Variants in ATP4A observed in about 807,000 individuals in gnomAD.
The protein encoded by ATP4A is potassium-transporting ATPase alpha chain 1.
In ATP4A, 73 loss-of-function variants were observed where a neutral mutation model predicts 112.1. The observed-to-expected ratio is 0.65, with a 90% CI of 0.54 to 0.79. The LOEUF (loss-of-function observed/expected upper bound fraction) is 0.79. Ranked by LOEUF, ATP4A falls within the 30% of genes least tolerant of loss-of-function variation. The pLI is 0.00. For synonymous variants in ATP4A, 588 were observed against 588.9 expected, an observed-to-expected ratio of 1.00 and a Z score of 0.02; for missense variants, 1,081 against 1,425.9, an observed-to-expected ratio of 0.76 and a Z score of 3.90.
Position 35,550,863 on chromosome 19 carries a change from C to T in ATP4A, c.3050G>A (p.Arg1017Gln), listed in dbSNP as rs1425556255. The T allele has an allele frequency of 2.5e-6, 4 of 1,614,192 alleles. No individual in the cohort carries two copies. Among genetic ancestry groups the T allele is most frequent in the Middle Eastern group, 1.6e-4 (1 of 6,062 alleles). The change falls in exon 21 of 22, where the codon CGG becomes CAG. Residue 1017 changes from arginine to glutamine, a missense_variant. Transcript: ENST00000262623. This position sits in a 1 kb window ranked among gnomAD's most constrained non-coding sequence, Gnocchi z 4.1. Reference protein sequence around the residue: ...GILIFVYDEIRKLGVRCCPGS... With the variant: ...GILIFVYDEIQKLGVRCCPGS... The stretch of plus-strand genomic sequence containing the variant: ...TGGGCAACAGCGAACTCCAAGCTTC[C>T]GGATCTCATCATAGACGAAGATGAG...
rs1217852574 is a variant in ATP4A, at chr19:35,559,683, G to A, written c.1056+122C>T. On this transcript the variant is annotated intron_variant, in intron 7 of 21. Transcript: ENST00000262623. This position sits in a 1 kb window ranked among gnomAD's most constrained non-coding sequence, Gnocchi z 4.1. ...ATGAGTGGATGATGGGAAGGCAGGA[G>A]AATGGATGGGAGCTAAGTGGACAGA... The A allele has an allele frequency of 7.0e-6, 10 of 1,418,764 alleles. No individual in the cohort carries two copies. In the South Asian group the frequency reaches 1.3e-4, roughly 18 times the overall value. 87.9% of individuals were successfully genotyped at this position (1,418,764 alleles called of 1,614,324 possible).
intron 16 of ATP4A, 156 bp from the exon 17 acceptor site, chr19:35,553,985 TG>T: frequency 9.4e-7 from 1 of 1,060,904 alleles, no homozygotes; most frequent in Non-Finnish European, 1.3e-6. Context: ...CTGGACAGCC[TG>T]GGCCCCACTG....
chr19:35,551,730 G>T lies in ATP4A; in HGVS notation c.2752-150C>A. 2 of 1,085,182 alleles carry T rather than the reference G, an allele frequency of 1.8e-6. No homozygotes were observed. Among genetic ancestry groups the T allele is most frequent in the Admixed American group, 2.2e-5 (1 of 44,774 alleles). The allele number at this position is 1,085,182 out of a possible 1,614,324, so 67.2% of individuals were successfully genotyped here. On this transcript the variant is annotated intron_variant, in intron 18 of 21. Transcript: ENST00000262623. The surrounding 1 kb of genome is among the most constrained non-coding windows in gnomAD (Gnocchi z 5.2). ...CAGAGTGTGGGGGTGGGGGGAAGGA[G>T]AGAGGCAGGGTCTGCCAGGTGTGCA...
At position 35,550,504 on chromosome 19, in the gene ATP4A, G is replaced by T. The variant is rs2071595145; in HGVS notation, c.*111C>A. 3.5e-6 allele frequency: 5 copies of T among 1,411,870 alleles called. No individual in the cohort carries two copies. In the South Asian group the frequency reaches 4.9e-5, roughly 14 times the overall value. 87.5% of individuals were successfully genotyped at this position (1,411,870 alleles called of 1,614,324 possible). A position where few individuals can be genotyped will look rare whatever the true frequency, so the allele number is the denominator to read the frequency against. ...TGGGCTACAGAAGCAGATACTGGTG[G>T]GGCTGGGACTCTTGGTTGCTCAGAT... On this transcript the variant is annotated 3_prime_UTR_variant, in exon 22 of 22. Coordinates refer to ENST00000262623, the MANE Select transcript of ATP4A (RefSeq NM_000704.3). The surrounding 1 kb of genome is among the most constrained non-coding windows in gnomAD (Gnocchi z 4.1).
At position 35,557,763 on chromosome 19, in the gene ATP4A, A is replaced by G. The variant is rs2071639753; in HGVS notation, c.1585T>C (p.Cys529Arg). ...KGAPERVLER[C>R]SSILIKGQEL... ...TGGCCCTTGATAAGGATGGAGCTGC[A>G]GCGCTCCAGCACGCGCTCGGGGGCG... Residue 529 changes from cysteine to arginine, a missense_variant, in exon 11 of 22, where the codon TGC becomes CGC. Cys to Arg is a radical substitution (Grantham distance 180, BLOSUM62 -3). Coordinates refer to ENST00000262623, the MANE Select transcript of ATP4A (RefSeq NM_000704.3). The surrounding 1 kb of genome is among the most constrained non-coding windows in gnomAD (Gnocchi z 4.4). 3.8e-6 allele frequency: 6 copies of G among 1,591,826 alleles called. No homozygotes were observed. The highest frequency in any genetic ancestry group is 5.1e-6 in the Non-Finnish European group (6 of 1,165,392).
chr19:35,556,016 C>T (rs991584653), intron 12 of ATP4A, among the ~76,000 whole-genome samples: 5 of 151,908 alleles, frequency 3.3e-5, no homozygotes, highest in Admixed American at 6.6e-5. Flanking sequence ...AATAAAGAAA[C>T]GAATTATATA....
chr19:35,561,118 C>T (rs944105518), intron 4 of ATP4A, among the ~76,000 whole-genome samples, 186 bp from the exon 5 acceptor site: 4 of 152,072 alleles, frequency 2.6e-5, no homozygotes, highest in African/African-American at 7.2e-5. Context: ...GTCCCACACT[C>T]GCCTGCTCTG....
Position 35,557,940 on chromosome 19 carries a change from G to A in ATP4A, c.1501-93C>T. ...GGGCGGGGCTGAGGAGAGGGGCGGG[G>A]CCGAGAGCTCGGTGCGGGCTCTGAG... On this transcript the variant is annotated intron_variant, in intron 10 of 21. Coordinates refer to ENST00000262623, the MANE Select transcript of ATP4A (RefSeq NM_000704.3). The surrounding 1 kb of genome is among the most constrained non-coding windows in gnomAD (Gnocchi z 4.4). The A allele has an allele frequency of 2.1e-6, 2 of 953,084 alleles. No individual in the cohort carries two copies. Among genetic ancestry groups the A allele is most frequent in the African/African-American group, 1.7e-5 (1 of 59,484 alleles). The allele number at this position is 953,084 out of a possible 1,614,324, so 59.0% of individuals were successfully genotyped here. A position where few individuals can be genotyped will look rare whatever the true frequency, so the allele number is the denominator to read the frequency against.
At position 35,558,012 on chromosome 19, in the gene ATP4A, G is replaced by T; in HGVS notation, c.1501-165C>A. The T allele has an allele frequency of 1.5e-6, 1 of 649,526 alleles. No homozygotes were observed. Among genetic ancestry groups the T allele is most frequent in the South Asian group, 2.0e-5 (1 of 50,344 alleles). The allele number at this position is 649,526 out of a possible 1,614,324, so 40.2% of individuals were successfully genotyped here. A position where few individuals can be genotyped will look rare whatever the true frequency, so the allele number is the denominator to read the frequency against. On this transcript the variant is annotated intron_variant, in intron 10 of 21. Coordinates refer to ENST00000262623, the MANE Select transcript of ATP4A (RefSeq NM_000704.3). The surrounding 1 kb of genome is among the most constrained non-coding windows in gnomAD (Gnocchi z 5.1). ...TGGAAGATGGAGGCCTTGTGTGGAGGGGTCCTTGGTAGAAGGTAAGCGTTA... is the reference window on the plus strand; with the variant it reads ...TGGAAGATGGAGGCCTTGTGTGGAGTGGTCCTTGGTAGAAGGTAAGCGTTA...
chr19:35,551,037 G>C lies in ATP4A; in HGVS notation c.2960C>G (p.Pro987Arg). 6.2e-7 allele frequency: 1 copy of C among 1,613,970 alleles called. No individual in the cohort carries two copies. The highest frequency in any genetic ancestry group is 8.5e-7 in the Non-Finnish European group (1 of 1,179,922). ...AATGGGCATGAAGTTGAAGATGTTG[G>C]GCATGCCGGGGCAGTAGCACAGGAA... ...GCFLCYCPGM[P>R]NIFNFMPIRF... The change falls in exon 20 of 22, where the codon CCC (proline) becomes CGC (arginine). Residue 987 changes from proline (P) to arginine (R), a missense_variant. Around this residue, in one of 3 missense-constraint regions of ATP4A, gnomAD observed 219 missense variants for 320.9 expected, o/e 0.68. Transcript: ENST00000262623. This position sits in a 1 kb window ranked among gnomAD's most constrained non-coding sequence, Gnocchi z 5.2.
Position 35,555,898 on chromosome 19 carries a change from G to A in ATP4A, c.1870-86C>T. 1 of 1,511,200 alleles carries A rather than the reference G, an allele frequency of 6.6e-7. No individual in the cohort carries two copies. The highest frequency in any genetic ancestry group is 8.9e-7 in the Non-Finnish European group (1 of 1,125,786). The allele number at this position is 1,511,200 out of a possible 1,614,324, so 93.6% of individuals were successfully genotyped here. A position where few individuals can be genotyped will look rare whatever the true frequency, so the allele number is the denominator to read the frequency against. On this transcript the variant is annotated intron_variant, in intron 12 of 21. Coordinates refer to ENST00000262623, the MANE Select transcript of ATP4A (RefSeq NM_000704.3). The surrounding 1 kb of genome is among the most constrained non-coding windows in gnomAD (Gnocchi z 6.6). ...CTGGGAGACATCTGCTGATACACGT[G>A]TTCATTTACTTGACCAAGCGTGACC...
rs750941596 is a variant in ATP4A, at chr19:35,557,860, G to C, written c.1501-13C>G. On this transcript the variant is annotated splice_polypyrimidine_tract_variant and intron_variant, in intron 10 of 21. Transcript: ENST00000262623. This position sits in a 1 kb window ranked among gnomAD's most constrained non-coding sequence, Gnocchi z 4.4. ...TATGGATGGACAGCTGTGGGCGGGG[G>C]GGAGAGGCGAGGCTGTGGACGGGGG... 4 of 1,471,140 alleles carry C rather than the reference G, an allele frequency of 2.7e-6. No individual in the cohort carries two copies. The highest frequency in any genetic ancestry group is 4.5e-5 in the Admixed American group (2 of 44,118). The allele number at this position is 1,471,140 out of a possible 1,614,324, so 91.1% of individuals were successfully genotyped here. A position where few individuals can be genotyped will look rare whatever the true frequency, so the allele number is the denominator to read the frequency against.
chr19:35,558,453 A>T lies in ATP4A; in HGVS notation c.1409T>A (p.Phe470Tyr), dbSNP rs1157889766. The change falls in exon 10 of 22, where the codon TTC (phenylalanine) becomes TAC (tyrosine). Residue 470 changes from phenylalanine (F) to tyrosine (Y), a missense_variant. Around this residue, in one of 3 missense-constraint regions of ATP4A, gnomAD observed 850 missense variants for 1,068.2 expected, o/e 0.80. Transcript: ENST00000262623. The surrounding 1 kb of genome is among the most constrained non-coding windows in gnomAD (Gnocchi z 5.1). ...GGCGTTGCCCAGCGTCAGCTCCGAG[A>T]ACTTGAGCAGCGCCGTCTCCGATGC... ...GDASETALLK[F>Y]SELTLGNAMG... 1 of 1,603,614 alleles carries T rather than the reference A, an allele frequency of 6.2e-7. No individual in the cohort carries two copies. The highest frequency in any genetic ancestry group is 8.5e-7 in the Non-Finnish European group (1 of 1,175,712).
In ATP4A at chr19:35,553,048, C is replaced by T. The variant is rs368542455; in HGVS notation, c.2740G>A (p.Gly914Ser). The T allele has an allele frequency of 1.5e-5, 24 of 1,602,352 alleles. No homozygotes were observed. The highest frequency in any genetic ancestry group is 3.4e-5 in the Admixed American group (2 of 59,690). The change falls in exon 18 of 22, where the codon GGC becomes AGC. Residue 914 changes from glycine to serine, a missense_variant. Gly to Ser is a moderately conservative substitution (Grantham distance 56, BLOSUM62 0). Around this residue, in one of 3 missense-constraint regions of ATP4A, gnomAD observed 219 missense variants for 320.9 expected, o/e 0.68. Transcript: ENST00000262623. ...HHLQDLQDSYGQEWTFGQRLY... is the reference protein window; with the variant it reads ...HHLQDLQDSYSQEWTFGQRLY... ...GGGGCAGGGCTCACCCACTCCTGGC[C>T]GTAGCTGTCCTGCAGATCTTGTAGG... is the stretch of plus-strand genomic sequence containing the variant.
chr19:35,558,374 G>A lies in ATP4A; in HGVS notation c.1488C>T (p.Thr496=). 1 of 1,611,142 alleles carries A rather than the reference G, an allele frequency of 6.2e-7. No individual in the cohort carries two copies. ...GCCGGCTGCGCACCTGGAACTTGTT[G>A]GTGGAGTTGAAGGGTATCTCGCAGA... ...PKVCEIPFNS[T]NKFQLSIHTL... The change falls in exon 10 of 22, where the codon ACC becomes ACT. Residue 496 remains threonine, a synonymous_variant. Coordinates refer to ENST00000262623, the MANE Select transcript of ATP4A (RefSeq NM_000704.3). The surrounding 1 kb of genome is among the most constrained non-coding windows in gnomAD (Gnocchi z 5.1).
chr19:35,551,391 C>A lies in ATP4A; in HGVS notation c.2885+56G>T. ...GGCTGTTCTAAACCACAGTCAGGATCTGATGGGAGTTGGGACCAGGGGTTG... is the reference window on the plus strand; with the variant it reads ...GGCTGTTCTAAACCACAGTCAGGATATGATGGGAGTTGGGACCAGGGGTTG... On this transcript the variant is annotated intron_variant, in intron 19 of 21. Transcript: ENST00000262623. The surrounding 1 kb of genome is among the most constrained non-coding windows in gnomAD (Gnocchi z 5.2). The A allele has an allele frequency of 6.2e-7, 1 of 1,612,310 alleles. No individual in the cohort carries two copies. The highest frequency in any genetic ancestry group is 1.3e-5 in the African/African-American group (1 of 75,030).
rs753707616 is a variant in ATP4A, at chr19:35,559,583, C to T, written c.1056+222G>A. On this transcript the variant is annotated intron_variant, in intron 7 of 21. Transcript: ENST00000262623. The surrounding 1 kb of genome is among the most constrained non-coding windows in gnomAD (Gnocchi z 4.1). The stretch of plus-strand genomic sequence containing the variant: ...CATCAGCCTCTTCCAGTTAAGGACC[C>T]GGCCTCGTCATCTCTGCGCCCTCAA... 2.6e-5 allele frequency among the ~76,000 whole-genome samples: 4 copies of T among 152,344 alleles called. No individual in the cohort carries two copies. Among genetic ancestry groups the T allele is most frequent in the East Asian group, 1.9e-4 (1 of 5,190 alleles).
intron 18 of ATP4A, among the ~76,000 whole-genome samples, chr19:35,552,017 G>C (rs1216187185): frequency 1.3e-5 from 2 of 152,114 alleles, no homozygotes; most frequent in African/African-American, 4.8e-5. Flanking sequence ...ATTTAAAGGG[G>C]GCAGCCACTA....
Position 35,551,703 on chromosome 19 carries a change from A to G in ATP4A, c.2752-123T>C. 1 of 1,244,934 alleles carries G rather than the reference A, an allele frequency of 8.0e-7. No individual in the cohort carries two copies. Among genetic ancestry groups the G allele is most frequent in the Non-Finnish European group, 1.1e-6 (1 of 901,446 alleles). 77.1% of individuals were successfully genotyped at this position (1,244,934 alleles called of 1,614,324 possible). A position where few individuals can be genotyped will look rare whatever the true frequency, so the allele number is the denominator to read the frequency against. On this transcript the variant is annotated intron_variant, in intron 18 of 21. Coordinates refer to ENST00000262623, the MANE Select transcript of ATP4A (RefSeq NM_000704.3). This position sits in a 1 kb window ranked among gnomAD's most constrained non-coding sequence, Gnocchi z 5.2. ...CCCCTAAATGCTCTCTCTGCCTTGCATCAGAGTGTGGGGGTGGGGGGAAGG... is the reference window on the plus strand; with the variant it reads ...CCCCTAAATGCTCTCTCTGCCTTGCGTCAGAGTGTGGGGGTGGGGGGAAGG...
Sources: gnomAD v4.1 joint callset for allele counts (sites outside exome capture counted in the v4.1 genomes callset) on GRCh38, gnomAD v4.1.1 for gene constraint, gnomAD v4.1.1 regional missense constraint, Gnocchi (gnomAD v3.1) non-coding constraint, MANE v1.5 for transcripts, NCBI Gene and HGNC (gene_info 2026-07-23, HGNC 2026-07-21) for gene names.